Variants in GYS1 observed in about 807,000 individuals in gnomAD.
GYS1 encodes glycogen [starch] synthase, muscle.
In GYS1, 60 loss-of-function variants were observed where a neutral mutation model predicts 89.1. The observed-to-expected ratio is 0.67, with a 90% confidence interval of 0.55 to 0.84. GYS1 has a LOEUF of 0.84. Among genes scored for constraint, GYS1 ranks in the 40% least tolerant of loss-of-function variants. The pLI, the probability that GYS1 is intolerant of heterozygous loss-of-function variation, is 0.00. For synonymous variants in GYS1, 366 were observed against 401.7 expected (o/e 0.91, Z 1.06); for missense variants, 888 against 1,003.1 (o/e 0.89, Z 1.55).
chr19:48,986,105 G>C (rs979730942), intron 3 of GYS1, 70 bp from the exon 4 acceptor site: 15 of 1,423,130 alleles, frequency 1.1e-5, no homozygotes, highest in Middle Eastern at 1.7e-4. Context: ...CCCCAGTAGG[G>C]ACAAGGACTC....
chr19:48,982,593 C>T (rs547087738), intron 6 of GYS1, 127 bp downstream of exon 6: 33 of 873,580 alleles, frequency 3.8e-5, no homozygotes, highest in South Asian at 2.5e-4. Flanking sequence ...TTAAGGAGGC[C>T]GAATACCCAG....
intron 10 of GYS1, among the ~76,000 whole-genome samples, chr19:48,976,558 G>A (rs1415503931): frequency 2.6e-5 from 4 of 152,102 alleles, no homozygotes; most frequent in South Asian, 2.1e-4. Context: ...ATAAGAAACC[G>A]CAGCTGCTGA....
chr19:48,971,056 T>C (rs2038557713), intron 12 of GYS1, 33 bp from the exon 13 acceptor site: 1 of 1,407,964 alleles, frequency 7.1e-7, no homozygotes. Flanking sequence ...CCCACTTAGC[T>C]TCCCTCATCG....
intron 8 of GYS1, among the ~76,000 whole-genome samples, chr19:48,981,191 G>T (rs2122504159): frequency 6.6e-6 from 1 of 151,766 alleles, no homozygotes; most frequent in Admixed American, 6.6e-5. Context: ...GAGGCGGGCA[G>T]ATCACGAGAT....
At chr19:48,981,363 A>G in intron 8 of GYS1, 167 bp downstream of exon 8, 1 of 633,084 alleles carries the variant, frequency 1.6e-6, no homozygotes, top group South Asian at 1.7e-5. Flanking sequence ...CAGTGAGCCA[A>G]GATCGCACCA....
At chr19:48,969,953 C>T in intron 14 of GYS1, 98 bp from the exon 15 acceptor site, 1 of 756,024 alleles carries the variant, frequency 1.3e-6, no homozygotes, top group Middle Eastern at 2.3e-4. Context: ...TGCAGATGAG[C>T]ACACTGCTGC....
At chr19:48,973,606 G>A (rs1004856898) in intron 12 of GYS1, among the ~76,000 whole-genome samples, 4 of 142,858 alleles carry the variant, frequency 2.8e-5, no homozygotes, top group Non-Finnish European at 6.0e-5. Context: ...TGCAACCTCC[G>A]CCTCCCAAGT....
chr19:48,973,505 A>ATTTTTTTTTTTTTTTTTTTTTTT (rs34032782), intron 12 of GYS1, among the ~76,000 whole-genome samples: 1 of 120,616 alleles, frequency 8.3e-6, no homozygotes, highest in Non-Finnish European at 1.7e-5. Context: ...TTTAGCTTTA[A>ATTTTTTTTTTTTTTTTTTTTTTT]TTTTTTTTTT....
At position 48,991,452 on chromosome 19, in the gene GYS1, C is replaced by T. The variant is rs1600154925; in HGVS notation, c.150G>A (p.Lys50=). 6.2e-7 allele frequency: 1 copy of T among 1,614,122 alleles called. No individual in the cohort carries two copies. The highest frequency in any genetic ancestry group is 1.1e-5 in the South Asian group (1 of 91,080). Residue 50 remains lysine (K), a synonymous_variant, in exon 2 of 16, where the codon AAG becomes AAA. Coordinates refer to ENST00000323798, the MANE Select transcript of GYS1 (RefSeq NM_002103.5). The surrounding 1 kb of genome is among the most constrained non-coding windows in gnomAD (Gnocchi z 4.7). ...CCCATTCGTCCCCTGTCACCTTCGC[C>T]TTCGTCTGCAGCACCGTGTAGATGC... ...VGGIYTVLQT[K]AKVTGDEWGD...
rs576726401 is a variant in GYS1 at position 48,991,471 on chromosome 19, T to C, written c.131A>G (p.Tyr44Cys). Residue 44 changes from tyrosine to cysteine, a missense_variant, in exon 2 of 16, where the codon TAC (tyrosine) becomes TGC (cysteine). Tyr to Cys is a radical substitution (Grantham distance 194). Coordinates refer to ENST00000323798, the MANE Select transcript of GYS1 (RefSeq NM_002103.5). This position sits in a 1 kb window ranked among gnomAD's most constrained non-coding sequence, Gnocchi z 4.7. The part of the protein sequence containing the change: ...WEVANKVGGI[Y>C]TVLQTKAKVT... Reference sequence around the variant, plus strand: ...CTTCGCCTTCGTCTGCAGCACCGTGTAGATGCCACCCACTGTGGGCCCAAG... The same window carrying C: ...CTTCGCCTTCGTCTGCAGCACCGTGCAGATGCCACCCACTGTGGGCCCAAG... 1.2e-6 allele frequency: 2 copies of C among 1,613,974 alleles called. No homozygotes were observed. Among genetic ancestry groups the C allele is most frequent in the South Asian group, 1.1e-5 (1 of 91,080 alleles).
At chr19:48,978,300 A>G (rs1227141644) in intron 8 of GYS1, 143 bp from the exon 9 acceptor site, 4 of 731,750 alleles carry the variant, frequency 5.5e-6, no homozygotes, top group Non-Finnish European at 9.7e-6. Context: ...ATCTCGGCTC[A>G]CTGCAACCTC....
rs2038837108 is a variant in GYS1, at chr19:48,985,959, A to G, written c.569T>C (p.Leu190Pro). The G allele has an allele frequency of 1.9e-6, 3 of 1,614,156 alleles. No homozygotes were observed. The highest frequency in any genetic ancestry group is 2.2e-5 in the South Asian group (2 of 91,082). ...TACAGGCAGTCGCCGGGCACGACAC[A>G]GGCAGAGTCCAACGCCTGCCAACCA... is the stretch of plus-strand genomic sequence containing the variant. ...HEWLAGVGLCLCRARRLPVAT... is the reference protein window; with the variant it reads ...HEWLAGVGLCPCRARRLPVAT... The change falls in exon 4 of 16, where the codon CTG (leucine) becomes CCG (proline). Residue 190 changes from leucine to proline, a missense_variant. By Grantham distance (98) the Leu-to-Pro change is moderately conservative. Transcript: ENST00000323798.
Position 48,985,605 on chromosome 19 carries a change from A to T in GYS1, c.679T>A (p.Phe227Ile), listed in dbSNP as rs1167759745. 1 of 1,613,874 alleles carries T rather than the reference A, an allele frequency of 6.2e-7. No homozygotes were observed. The highest frequency in any genetic ancestry group is 1.3e-5 in the African/African-American group (1 of 74,900). Residue 227 changes from phenylalanine to isoleucine, a missense_variant and splice_region_variant, in exon 5 of 16, where the codon TTC (phenylalanine) becomes ATC (isoleucine). By Grantham distance (21) the Phe-to-Ile change is conservative (BLOSUM62 0). Coordinates refer to ENST00000323798, the MANE Select transcript of GYS1 (RefSeq NM_002103.5). ...AVDFYNNLENFNVDKEAGERQ... is the reference protein window; with the variant it reads ...AVDFYNNLENINVDKEAGERQ... ...TCCCCTGCTTCCTTGTCCACGTTGAACTGGGTGGGAGGGGACAGCAGTCCG... is the reference window on the plus strand; with the variant it reads ...TCCCCTGCTTCCTTGTCCACGTTGATCTGGGTGGGAGGGGACAGCAGTCCG...
At chr19:48,984,220 T>C (rs2038806704) in intron 5 of GYS1, among the ~76,000 whole-genome samples, 2 of 152,088 alleles carry the variant, frequency 1.3e-5, no homozygotes, top group Admixed American at 1.3e-4. Flanking sequence ...TTGGCCAGGC[T>C]GGTCTTGAGC....
rs772976547 is a variant in GYS1 at position 48,987,254 on chromosome 19, G to A, written c.432C>T (p.Tyr144=). The change falls in exon 3 of 16, where the codon TAC becomes TAT. Residue 144 remains tyrosine (Y), a synonymous_variant. Coordinates refer to ENST00000323798, the MANE Select transcript of GYS1 (RefSeq NM_002103.5). ...WDTCNIGVPW[Y]DREANDAVLF... ...GGACAGCGTCGTTGGCCTCGCGGTCGTACCACGGCACTCCGATGTTGCAGG... is the reference window on the plus strand; with the variant it reads ...GGACAGCGTCGTTGGCCTCGCGGTCATACCACGGCACTCCGATGTTGCAGG... 34 of 1,613,200 alleles carry A rather than the reference G, an allele frequency of 2.1e-5. No homozygotes were observed. Among genetic ancestry groups the A allele is most frequent in the East Asian group, 1.6e-4 (7 of 44,880 alleles).
Position 48,968,467 on chromosome 19 carries a change from G to A in GYS1, c.*821C>T, listed in dbSNP as rs1382814573. On this transcript the variant is annotated 3_prime_UTR_variant, in exon 16 of 16. Coordinates refer to ENST00000323798, the MANE Select transcript of GYS1 (RefSeq NM_002103.5). ...GCAGTTGGGAATAAGCCAGGTTAGG[G>A]GTGGGGGAAGACAGCCAGCTCTGTC... is the stretch of plus-strand genomic sequence containing the variant. 7 of 454,468 alleles carry A rather than the reference G, an allele frequency of 1.5e-5. No individual in the cohort carries two copies. The highest frequency in any genetic ancestry group is 4.0e-5 in the African/African-American group (2 of 50,014). 28.2% of individuals were successfully genotyped at this position (454,468 alleles called of 1,614,324 possible). A position where few individuals can be genotyped will look rare whatever the true frequency, so the allele number is the denominator to read the frequency against.
At chr19:48,990,004 G>GGT (rs1555800137) in intron 2 of GYS1, among the ~76,000 whole-genome samples, 1 of 149,242 alleles carries the variant, frequency 6.7e-6, no homozygotes, top group African/African-American at 2.5e-5. Context: ...TTGCTGGGGG[G>GGT]GGGGGGGGGC....
chr19:48,974,728 C>G lies in GYS1; in HGVS notation c.1314G>C (p.Gln438His). The G allele has an allele frequency of 6.2e-7, 1 of 1,609,230 alleles. No homozygotes were observed. Among genetic ancestry groups the G allele is most frequent in the South Asian group, 1.1e-5 (1 of 90,972 alleles). Reference protein sequence around the residue: ...MKRAIFATQRQSFPPVCTHNM... With the variant: ...MKRAIFATQRHSFPPVCTHNM... ...TGTGGGTGCACACAGGGGGGAAAGA[C>G]TGCCGCTGCAGGAGCCACAAGAAGG... Residue 438 changes from glutamine (Q) to histidine (H), a missense_variant, in exon 11 of 16, where the codon CAG (glutamine) becomes CAC (histidine). Physicochemically the swap from Gln to His is conservative, Grantham distance 24. Transcript: ENST00000323798.
At chr19:48,976,790 C>T (rs2038660828) in intron 10 of GYS1, among the ~76,000 whole-genome samples, 1 of 151,728 alleles carries the variant, frequency 6.6e-6, no homozygotes, top group South Asian at 2.1e-4. Context: ...TGTATGTGTC[C>T]GCCTCGCTCT....
Sources: allele counts gnomAD v4.1 joint callset (sites outside exome capture counted in the v4.1 genomes callset), GRCh38; gene constraint gnomAD v4.1.1; non-coding constraint Gnocchi (gnomAD v3.1); transcripts MANE v1.5; gene names NCBI Gene and HGNC (gene_info 2026-07-23, HGNC 2026-07-21).